BARD1: variants seen among roughly 807,000 people sequenced by gnomAD.
BARD1 encodes the protein BRCA1-associated RING domain protein 1.
In BARD1, 73 loss-of-function variants were observed where a neutral mutation model predicts 77.0. The observed-to-expected ratio is 0.95, with a 90% confidence interval of 0.79 to 1.15. The LOEUF is 1.15. Among genes scored for constraint, BARD1 ranks in the 50% most tolerant of loss-of-function variants. The pLI is 0.00. For synonymous variants in BARD1, 384 were observed against 338.0 expected (o/e 1.14, Z -1.49); for missense variants, 993 against 938.8 (o/e 1.06, Z -0.75).
At chr2:214,796,952 CTT>C in intron 2 of BARD1, 107 bp downstream of exon 2, 1 of 908,952 alleles carries the variant, frequency 1.1e-6, no homozygotes, top group East Asian at 2.4e-5. Context: ...ACTTTGCAGA[CTT>C]TGAAAGTTAC....
chr2:214,776,507 T>C (rs1242223242), intron 4 of BARD1, among the ~76,000 whole-genome samples: 1 of 152,172 alleles, frequency 6.6e-6, no homozygotes, highest in Non-Finnish European at 1.5e-5. Context: ...GAACATGAGT[T>C]ATGAAGATAT....
At chr2:214,729,338 T>C (rs1234973905) in intron 10 of BARD1, among the ~76,000 whole-genome samples, 1 of 152,222 alleles carries the variant, frequency 6.6e-6, no homozygotes, top group Admixed American at 6.5e-5. Context: ...ACCTGTCACA[T>C]GAGGTCAGGT....
chr2:214,807,853 T>C (rs989611220), intron 1 of BARD1, among the ~76,000 whole-genome samples: 1 of 152,246 alleles, frequency 6.6e-6, no homozygotes, highest in Non-Finnish European at 1.5e-5. Context: ...GCCAAGGGAA[T>C]GTCTAACTTT....
intron 4 of BARD1, among the ~76,000 whole-genome samples, chr2:214,779,076 C>G (rs1364408207): frequency 1.3e-5 from 2 of 152,050 alleles, no homozygotes; most frequent in Non-Finnish European, 2.9e-5. Flanking sequence ...TTTGTTAAGT[C>G]AGGCTTTGCA....
rs751384676 is a variant in BARD1, at chr2:214,781,185, T to C, written c.689A>G (p.Asp230Gly). Residue 230 changes from aspartate (D) to glycine (G), a missense_variant, in exon 4 of 11, where the codon GAC (aspartate) becomes GGC (glycine). By Grantham distance (94) the Asp-to-Gly change is moderately conservative (BLOSUM62 -1). Coordinates refer to ENST00000260947, the MANE Select transcript of BARD1 (RefSeq NM_000465.4). ...CTTTTGCTTAGATTCCTCTTTGGAG[T>C]CAAATTCACCATCTTCTTTTTCTGC... is the stretch of plus-strand genomic sequence containing the variant. ...LEAEKEDGEF[D>G]SKEESKQKLV... is the part of the protein sequence containing the mutation. 6.3e-7 allele frequency: 1 copy of C among 1,586,854 alleles called. No homozygotes were observed. Among genetic ancestry groups the C allele is most frequent in the South Asian group, 1.2e-5 (1 of 84,626 alleles).
intron 7 of BARD1, among the ~76,000 whole-genome samples, chr2:214,747,706 T>C (rs950715638): frequency 1.3e-5 from 1 of 77,396 alleles, no homozygotes; most frequent in African/African-American, 5.3e-5. Context: ...GGGACTGTTG[T>C]GGGGTGGGGG....
chr2:214,781,907 G>A (rs1695057082), intron 3 of BARD1, among the ~76,000 whole-genome samples: 1 of 152,150 alleles, frequency 6.6e-6, no homozygotes, highest in Non-Finnish European at 1.5e-5. Context: ...TTGTTAAGAT[G>A]CCAATTGTTC....
At chr2:214,774,968 A>C (rs1694674150) in intron 4 of BARD1, among the ~76,000 whole-genome samples, 1 of 152,128 alleles carries the variant, frequency 6.6e-6, no homozygotes, top group Non-Finnish European at 1.5e-5. Flanking sequence ...CTCAGTCTTC[A>C]CAGAATTGAA....
intron 7 of BARD1, among the ~76,000 whole-genome samples, chr2:214,751,148 TA>T (rs1693426592): frequency 9.6e-5 from 4 of 41,712 alleles, no homozygotes; most frequent in Non-Finnish European, 1.7e-4. Context: ...TATATATATA[TA>T]TATTTTTTTT....
chr2:214,781,943 T>C (rs1004077146), intron 3 of BARD1, among the ~76,000 whole-genome samples: 1 of 152,112 alleles, frequency 6.6e-6, no homozygotes, highest in Non-Finnish European at 1.5e-5. Flanking sequence ...ATATAACAAA[T>C]CCCAATGTAA....
At chr2:214,769,608 G>A (rs954941338) in intron 4 of BARD1, among the ~76,000 whole-genome samples, 3 of 152,114 alleles carry the variant, frequency 2.0e-5, no homozygotes, top group African/African-American at 7.2e-5. Context: ...GGGCATGGTG[G>A]TGCCAGCCTG....
At chr2:214,782,079 G>A (rs960286314) in intron 3 of BARD1, among the ~76,000 whole-genome samples, 2 of 152,112 alleles carry the variant, frequency 1.3e-5, no homozygotes, top group Non-Finnish European at 2.9e-5. Context: ...CAAGTTGGAG[G>A]ACTCATACTA....
intron 7 of BARD1, among the ~76,000 whole-genome samples, chr2:214,749,180 C>T (rs1469492696): frequency 9.1e-6 from 1 of 109,344 alleles, no homozygotes; most frequent in Admixed American, 9.7e-5. Context: ...CATCTAGTTC[C>T]TGGAAAAAAA....
intron 9 of BARD1, among the ~76,000 whole-genome samples, chr2:214,732,915 G>GA (rs1692418622): frequency 6.6e-6 from 1 of 152,126 alleles, no homozygotes; most frequent in Admixed American, 6.5e-5. Flanking sequence ...CGACAGAACT[G>GA]AAAAAACTGG....
chr2:214,761,087 A>G (rs1029300968), intron 6 of BARD1, among the ~76,000 whole-genome samples: 5 of 151,672 alleles, frequency 3.3e-5, no homozygotes, highest in African/African-American at 4.8e-5. Flanking sequence ...AAAAAAGTCC[A>G]TTTTCTCTTT....
intron 2 of BARD1, among the ~76,000 whole-genome samples, chr2:214,793,026 T>C (rs1695604146): frequency 1.3e-5 from 2 of 152,284 alleles, no homozygotes; most frequent in East Asian, 1.9e-4. Context: ...TGAAAATCTA[T>C]ACATACTCAT....
intron 7 of BARD1, among the ~76,000 whole-genome samples, chr2:214,747,506 C>A (rs1207680603): frequency 1.3e-5 from 2 of 151,276 alleles, no homozygotes; most frequent in Non-Finnish European, 2.9e-5. Context: ...CACATATATA[C>A]CATGGAATAC....
chr2:214,805,443 T>C (rs1289367252), intron 1 of BARD1, among the ~76,000 whole-genome samples: 1 of 152,190 alleles, frequency 6.6e-6, no homozygotes, highest in East Asian at 1.9e-4. Flanking sequence ...CACTGCTCTG[T>C]GAGAATGCCT....
At chr2:214,778,391 T>C (rs940422069) in intron 4 of BARD1, among the ~76,000 whole-genome samples, 1 of 152,096 alleles carries the variant, frequency 6.6e-6, no homozygotes, top group African/African-American at 2.4e-5. Context: ...AAATGTACCA[T>C]AACATAATCT....
Sources: gnomAD v4.1 joint callset for allele counts (sites outside exome capture counted in the v4.1 genomes callset) on GRCh38, gnomAD v4.1.1 for gene constraint, MANE v1.5 for transcripts, NCBI Gene and HGNC (gene_info 2026-07-23, HGNC 2026-07-21) for gene names.